The following RFX7 variants were observed in gnomAD, a reference collection of about 807,000 sequenced individuals.
The protein encoded by RFX7 is regulatory factor X7, also known as DNA-binding protein RFX7.
In RFX7, 26 loss-of-function variants were observed where a neutral mutation model predicts 111.8. That is an observed-to-expected ratio of 0.23 (90% CI 0.17 to 0.32). The LOEUF (loss-of-function observed/expected upper bound fraction) is 0.32. RFX7 is among the 10% of genes least tolerant of loss of function. RFX7 has a pLI of 1.00. For missense variants in RFX7, 1,573 were observed against 1,772.9 expected (o/e 0.89, Z 2.02); for synonymous variants, 624 against 624.4 (o/e 1.00, Z 0.01).
At chr15:56,200,262 G>A (rs542088896) in intron 2 of RFX7, among the ~76,000 whole-genome samples, 9 of 152,178 alleles carry the variant, frequency 5.9e-5, no homozygotes, top group East Asian at 1.9e-4. Context: ...CATGCACAGC[G>A]ACCCATCTGT....
At chr15:56,203,731 G>A (rs1171185977) in intron 2 of RFX7, among the ~76,000 whole-genome samples, 2 of 152,146 alleles carry the variant, frequency 1.3e-5, no homozygotes. Flanking sequence ...CACCATGACA[G>A]TTTACAAATG....
chr15:56,142,850 G>C lies in RFX7; in HGVS notation c.329C>G (p.Ser110Cys), dbSNP rs746579441. 1 of 1,613,542 alleles carries C rather than the reference G, an allele frequency of 6.2e-7. No individual in the cohort carries two copies. The highest frequency in any genetic ancestry group is 2.2e-5 in the East Asian group (1 of 44,870). ...TTCCTCTAGGGTATTCCGAATCCAGGAAAAGGCATGCATTTGTTGTGCCCG... is the reference window on the plus strand; with the variant it reads ...TTCCTCTAGGGTATTCCGAATCCAGCAAAAGGCATGCATTTGTTGTGCCCG... Reference protein sequence around the residue: ...SSRAQQMHAFSWIRNTLEEHP... With the variant: ...SSRAQQMHAFCWIRNTLEEHP... Residue 110 changes from serine to cysteine, a missense_variant, in exon 5 of 10, where the codon TCC becomes TGC. Ser to Cys is a moderately radical substitution (Grantham distance 112). This residue lies in a region of RFX7 where 191 missense variants were observed against 194.2 expected (regional missense o/e 0.98). Transcript: ENST00000559447.
intron 2 of RFX7, among the ~76,000 whole-genome samples, chr15:56,229,628 A>T (rs2043527513): frequency 6.6e-6 from 1 of 152,188 alleles, no homozygotes; most frequent in South Asian, 2.1e-4. Flanking sequence ...ACTCGTTAAA[A>T]CAAACACTGC....
At chr15:56,208,283 A>C (rs2043276045) in intron 2 of RFX7, among the ~76,000 whole-genome samples, 1 of 152,154 alleles carries the variant, frequency 6.6e-6, no homozygotes, top group Non-Finnish European at 1.5e-5. Context: ...CCTGGGCAAA[A>C]GGCAAAACCC....
intron 5 of RFX7, among the ~76,000 whole-genome samples, chr15:56,128,274 C>T (rs1384165543): frequency 6.6e-6 from 1 of 152,066 alleles, no homozygotes; most frequent in Admixed American, 6.6e-5. Context: ...CAAAATCAGA[C>T]AAAAGCATTC....
At position 56,144,423 on chromosome 15, in the gene RFX7, C is replaced by T; in HGVS notation, c.256G>A (p.Gly86Ser). The T allele has an allele frequency of 1.5e-6, 2 of 1,365,216 alleles. No individual in the cohort carries two copies. The highest frequency in any genetic ancestry group is 2.3e-5 in the South Asian group (2 of 87,922). 84.6% of individuals were successfully genotyped at this position (1,365,216 alleles called of 1,614,324 possible). The change falls in exon 4 of 10, where the codon GGT (glycine) becomes AGT (serine). Residue 86 changes from glycine to serine, a missense_variant. Transcript: ENST00000559447. The part of the protein sequence containing the change: ...KLYLYLQLPS[G>S]LSNGEKSDQN... ...TACCTTTTCTCTCCATTGCTGAGACCAGAAGGCAGCTGAAGGTAGAGGTAG... is the reference window on the plus strand; with the variant it reads ...TACCTTTTCTCTCCATTGCTGAGACTAGAAGGCAGCTGAAGGTAGAGGTAG...
At chr15:56,204,524 G>A (rs868561698) in intron 2 of RFX7, among the ~76,000 whole-genome samples, 2 of 152,212 alleles carry the variant, frequency 1.3e-5, no homozygotes, top group Non-Finnish European at 2.9e-5. Flanking sequence ...ATCAGTGCCA[G>A]AGTATTTGTA....
chr15:56,127,361 T>C (rs551036092), intron 5 of RFX7, among the ~76,000 whole-genome samples: 28 of 151,004 alleles, frequency 1.9e-4, no homozygotes, highest in Admixed American at 9.9e-4. Context: ...TATGCCTACA[T>C]TAAAAAAGAA....
In RFX7 at chr15:56,089,768, T is replaced by C. The variant is rs1245540584; in HGVS notation, c.*3577A>G. 1 of 152,168 alleles carries C rather than the reference T, an allele frequency of 6.6e-6. No individual in the cohort carries two copies. The highest frequency in any genetic ancestry group is 1.5e-5 in the Non-Finnish European group (1 of 68,026). 9.4% of individuals were successfully genotyped at this position (152,168 alleles called of 1,614,324 possible). A position where few individuals can be genotyped will look rare whatever the true frequency, so the allele number is the denominator to read the frequency against. Reference sequence around the variant, plus strand: ...TTTTGATCTGCAGGCTCAGCTTTCATGGGAGCCTTCCTGCTCTTTACCTCT... The same window carrying C: ...TTTTGATCTGCAGGCTCAGCTTTCACGGGAGCCTTCCTGCTCTTTACCTCT... On this transcript the variant is annotated 3_prime_UTR_variant, in exon 10 of 10. Coordinates refer to ENST00000559447, the MANE Select transcript of RFX7 (RefSeq NM_022841.7).
intron 2 of RFX7, among the ~76,000 whole-genome samples, chr15:56,208,863 T>A (rs1264730633): frequency 6.6e-6 from 1 of 151,628 alleles, no homozygotes; most frequent in Non-Finnish European, 1.5e-5. Flanking sequence ...GAAAAAAGAC[T>A]GAAAAAACAA....
intron 5 of RFX7, among the ~76,000 whole-genome samples, chr15:56,139,883 T>C (rs568685863): frequency 5.0e-4 from 76 of 152,300 alleles, no homozygotes; most frequent in African/African-American, 1.6e-3. Flanking sequence ...CAGTGTGAGG[T>C]GTCAGTGTGC....
chr15:56,216,838 A>G (rs2043367171), intron 2 of RFX7, among the ~76,000 whole-genome samples: 1 of 152,058 alleles, frequency 6.6e-6, no homozygotes, highest in Non-Finnish European at 1.5e-5. Flanking sequence ...TTTTTAAAAA[A>G]TATAGATAGG....
chr15:56,244,994 C>A (rs1166351459), upstream of RFX7, among the ~76,000 whole-genome samples: 1 of 152,132 alleles, frequency 6.6e-6, no homozygotes, highest in Non-Finnish European at 1.5e-5. Context: ...CTCACACTGA[C>A]CTTTCTTTGG....
rs190629321 is a variant in RFX7, at chr15:56,152,723, G to A, written c.196-8240C>T. ...AGATCAGAGCAGAACTGAAGGAGAT[G>A]GAGACACAAAAAACCCTTCAAAAAA... On this transcript the variant is annotated intron_variant, in intron 3 of 9. Transcript: ENST00000559447. Among the ~76,000 whole-genome samples the A allele has an allele frequency of 1.6e-3, 245 of 150,384 alleles. 1 individual carries two copies. Among genetic ancestry groups the A allele is most frequent in the Non-Finnish European group, 2.7e-3 (186 of 67,674 alleles).
chr15:56,135,050 T>C (rs547163024), intron 5 of RFX7, among the ~76,000 whole-genome samples: 17 of 152,346 alleles, frequency 1.1e-4, no homozygotes, highest in African/African-American at 3.8e-4. Flanking sequence ...GTCTTTGCTA[T>C]TGTGAATAAT....
At chr15:56,140,917 G>A (rs891325197) in intron 5 of RFX7, among the ~76,000 whole-genome samples, 22 of 152,230 alleles carry the variant, frequency 1.4e-4, no homozygotes, top group Non-Finnish European at 2.1e-4. Flanking sequence ...TCACTCTTCC[G>A]CAAATGCAGC....
At position 56,095,993 on chromosome 15, in the gene RFX7, G is replaced by A. The variant is rs2041671205; in HGVS notation, c.1735C>T (p.Leu579=). 2.5e-6 allele frequency: 4 copies of A among 1,612,248 alleles called. No individual in the cohort carries two copies. The highest frequency in any genetic ancestry group is 1.3e-5 in the African/African-American group (1 of 74,900). Residue 579 remains leucine, a synonymous_variant, in exon 10 of 10, where the codon CTG becomes TTG. Coordinates refer to ENST00000559447, the MANE Select transcript of RFX7 (RefSeq NM_022841.7). ...ACACCTTCATTTGAAGGTTTCTGCAGTGCTCCGTCTGTATTACTTTTCTGC... is the reference window on the plus strand; with the variant it reads ...ACACCTTCATTTGAAGGTTTCTGCAATGCTCCGTCTGTATTACTTTTCTGC... ...LGQKSNTDGA[L]QKPSNEGVIE...
intron 5 of RFX7, among the ~76,000 whole-genome samples, chr15:56,140,005 A>G (rs1158609963): frequency 1.3e-5 from 2 of 152,122 alleles, no homozygotes; most frequent in Admixed American, 6.5e-5. Flanking sequence ...TGGGAGAACC[A>G]CTGCTCTCTT....
At chr15:56,242,026 C>G (rs1400676172) in intron 2 of RFX7, among the ~76,000 whole-genome samples, 1 of 152,184 alleles carries the variant, frequency 6.6e-6, no homozygotes, top group African/African-American at 2.4e-5. Context: ...AAATACTGTT[C>G]ATGCAACGCC....
Sources: allele counts gnomAD v4.1 joint callset (sites outside exome capture counted in the v4.1 genomes callset), GRCh38; gene constraint gnomAD v4.1.1; regional missense constraint gnomAD v4.1.1; transcripts MANE v1.5; gene names NCBI Gene and HGNC (gene_info 2026-07-23, HGNC 2026-07-21).